The following SMYD3 variants were observed in gnomAD, a reference collection of about 807,000 sequenced individuals.
SMYD3 encodes SET and MYND domain containing 3, also known as histone-lysine N-methyltransferase SMYD3.
A neutral mutation model predicts 57.7 loss-of-function variants in SMYD3; 36 were observed. The ratio of observed to expected loss-of-function variants is 0.62; its 90% CI spans 0.48 to 0.82. The LOEUF is 0.82. Among genes scored for constraint, SMYD3 ranks in the 40% least tolerant of loss-of-function variants. The pLI, the probability that SMYD3 is intolerant of heterozygous loss-of-function variation, is 0.00. For missense variants in SMYD3, 515 were observed against 538.8 expected (o/e 0.96, Z 0.44); for synonymous variants, 211 against 195.0 (o/e 1.08, Z -0.68).
chr1:246,411,666 C>T (rs1572476031), intron 1 of SMYD3, among the ~76,000 whole-genome samples: 1 of 151,956 alleles, frequency 6.6e-6, no homozygotes, highest in African/African-American at 2.4e-5. Flanking sequence ...TGAGTTCATG[C>T]CCTTTGTAGG....
intron 5 of SMYD3, among the ~76,000 whole-genome samples, chr1:246,140,194 T>C (rs949658211): frequency 4.6e-5 from 7 of 152,190 alleles, no homozygotes; most frequent in African/African-American, 1.7e-4. Context: ...AAATGCTTGG[T>C]AAAACAGGTA....
At chr1:246,193,051 A>G (rs1160834402) in intron 5 of SMYD3, among the ~76,000 whole-genome samples, 1 of 152,228 alleles carries the variant, frequency 6.6e-6, no homozygotes, top group Non-Finnish European at 1.5e-5. Context: ...CAGAGAAGTC[A>G]TATTGTTTTT....
At chr1:246,222,878 T>A (rs1190267421) in intron 5 of SMYD3, among the ~76,000 whole-genome samples, 1 of 152,168 alleles carries the variant, frequency 6.6e-6, no homozygotes, top group African/African-American at 2.4e-5. Flanking sequence ...CACGGTACAT[T>A]TGATGCTAAA....
At chr1:245,971,979 C>A (rs1558546346) in intron 5 of SMYD3, among the ~76,000 whole-genome samples, 1 of 152,156 alleles carries the variant, frequency 6.6e-6, no homozygotes, top group Non-Finnish European at 1.5e-5. Flanking sequence ...CTACGCTGTA[C>A]AGAGTCTAGT....
In SMYD3 at chr1:245,937,883, T is replaced by C. The variant is rs1442461810; in HGVS notation, c.532-7946A>G. Among the ~76,000 whole-genome samples the C allele has an allele frequency of 2.0e-5, 3 of 152,218 alleles. No homozygotes were observed. The East Asian group carries it at 5.8e-4, about 29-fold the overall frequency. On this transcript the variant is annotated intron_variant, in intron 5 of 11. Transcript: ENST00000490107. Reference sequence around the variant, plus strand: ...CTGTAATCTTACTCCCAGTACTAAATTCCTAAATCAAGTATGCTAGGTGCT... The same window carrying C: ...CTGTAATCTTACTCCCAGTACTAAACTCCTAAATCAAGTATGCTAGGTGCT...
At chr1:246,076,238 T>C (rs1024979455) in intron 5 of SMYD3, among the ~76,000 whole-genome samples, 1 of 152,188 alleles carries the variant, frequency 6.6e-6, no homozygotes. Flanking sequence ...CAAACCCGTC[T>C]CTACTTCAGT....
chr1:246,484,924 G>A (rs1162233697), intron 1 of SMYD3, among the ~76,000 whole-genome samples: 2 of 21,276 alleles, frequency 9.4e-5, no homozygotes, highest in African/African-American at 1.5e-4. Context: ...AGTTACACCT[G>A]AAAACACATC....
intron 1 of SMYD3, among the ~76,000 whole-genome samples, chr1:246,427,537 A>T (rs562580081): frequency 2.6e-5 from 4 of 151,740 alleles, no homozygotes; most frequent in Non-Finnish European, 5.9e-5. Context: ...AAAAAAATAA[A>T]AAAAAATAAA....
chr1:246,457,544 A>AAAAAAAAAAAAG (rs2067719462), intron 1 of SMYD3, among the ~76,000 whole-genome samples: 2 of 87,242 alleles, frequency 2.3e-5, no homozygotes, highest in African/African-American at 4.1e-5. Context: ...AAAAAAAAAA[A>AAAAAAAAAAAAG]AAAAGAAAAG....
At chr1:246,088,565 A>G (rs6691865) in intron 5 of SMYD3, among the ~76,000 whole-genome samples, 1,904 of 131,402 alleles carry the variant, frequency 0.014, 82 homozygotes, top group African/African-American at 0.06. Context: ...AGCCGAGATC[A>G]TGCCACTGCA....
chr1:246,236,233 T>C (rs10924587), intron 5 of SMYD3, among the ~76,000 whole-genome samples: 31,511 of 151,914 alleles, frequency 0.21, 3,986 homozygotes, highest in East Asian at 0.58. Context: ...TATGGATAAA[T>C]GAATGAATGA....
At chr1:246,401,712 C>G (rs1039954215) in intron 1 of SMYD3, among the ~76,000 whole-genome samples, 6 of 129,118 alleles carry the variant, frequency 4.6e-5, no homozygotes, top group South Asian at 5.5e-4. Context: ...TTCTTAAATC[C>G]CAGTAATTCA....
chr1:246,161,726 G>A (rs575718055), intron 5 of SMYD3, among the ~76,000 whole-genome samples: 1 of 152,338 alleles, frequency 6.6e-6, no homozygotes, highest in South Asian at 2.1e-4. Flanking sequence ...ATCAAATACA[G>A]GTCTGGCCAA....
chr1:245,982,522 A>G (rs2058619426), intron 5 of SMYD3, among the ~76,000 whole-genome samples: 1 of 152,224 alleles, frequency 6.6e-6, no homozygotes, highest in South Asian at 2.1e-4. Flanking sequence ...GATCTAATAT[A>G]ATAGTAAAGG....
chr1:245,803,005 A>G (rs1040728532), intron 10 of SMYD3, among the ~76,000 whole-genome samples: 1 of 152,234 alleles, frequency 6.6e-6, no homozygotes, highest in Non-Finnish European at 1.5e-5. Flanking sequence ...TTGCCTCTCA[A>G]AACTGCCAGA....
At chr1:246,040,926 A>C (rs1170762980) in intron 5 of SMYD3, among the ~76,000 whole-genome samples, 1 of 152,214 alleles carries the variant, frequency 6.6e-6, no homozygotes, top group African/African-American at 2.4e-5. Flanking sequence ...ATTCTCCAAG[A>C]ACCACATGGT....
Position 245,827,762 on chromosome 1 carries a change from G to GC in SMYD3, c.1076+30733dup, listed in dbSNP as rs1206923017. On this transcript the variant is annotated intron_variant, in intron 10 of 11. Transcript: ENST00000490107. Reference sequence around the variant, plus strand: ...TTTATGCAATCTAAGAGCTGGGTGGGCCCTGCCTTATCACACTTATTTTCC... The same window carrying GC: ...TTTATGCAATCTAAGAGCTGGGTGGGCCCCTGCCTTATCACACTTATTTTCC... Among the ~76,000 whole-genome samples the GC allele has an allele frequency of 2.0e-5, 3 of 152,158 alleles. No individual in the cohort carries two copies. The East Asian group carries it at 5.8e-4, about 29-fold the overall frequency.
chr1:245,900,599 T>C (rs1176351506), intron 8 of SMYD3, among the ~76,000 whole-genome samples: 1 of 152,216 alleles, frequency 6.6e-6, no homozygotes, highest in East Asian at 1.9e-4. Context: ...TTTTAGAACA[T>C]GCACCCCACC....
chr1:246,160,128 T>A (rs1486856515), intron 5 of SMYD3, among the ~76,000 whole-genome samples: 2 of 152,210 alleles, frequency 1.3e-5, no homozygotes, highest in Non-Finnish European at 2.9e-5. Flanking sequence ...TGTCTTCATA[T>A]CCCTGCTTTA....
Sources: gnomAD v4.1 joint callset for allele counts (sites outside exome capture counted in the v4.1 genomes callset) on GRCh38, gnomAD v4.1.1 for gene constraint, MANE v1.5 for transcripts, NCBI Gene and HGNC (gene_info 2026-07-23, HGNC 2026-07-21) for gene names.